The following TAFA1 variants were observed in gnomAD, a reference collection of about 807,000 sequenced individuals.
The protein encoded by TAFA1 is TAFA chemokine like family member 1, also known as chemokine-like protein TAFA-1.
Under a neutral mutation model 18.5 loss-of-function variants are expected in TAFA1, and 4 were observed. That is an observed-to-expected ratio of 0.22 (90% CI 0.11 to 0.49). TAFA1 has a LOEUF of 0.49. Among genes scored for constraint, TAFA1 ranks in the 20% least tolerant of loss-of-function variants. The pLI is 0.98. For synonymous variants in TAFA1, 56 were observed against 55.2 expected (o/e 1.01, Z -0.06); for missense variants, 147 against 169.0 (o/e 0.87, Z 0.72).
At chr3:68,057,638 G>A (rs1377131618) in intron 2 of TAFA1, among the ~76,000 whole-genome samples, 2 of 152,222 alleles carry the variant, frequency 1.3e-5, no homozygotes, top group Non-Finnish European at 2.9e-5. Context: ...ACCTTACACA[G>A]CAAAAGGGAC....
At chr3:68,379,766 A>T (rs547220537) in intron 2 of TAFA1, among the ~76,000 whole-genome samples, 251 of 140,356 alleles carry the variant, frequency 1.8e-3, no homozygotes, top group African/African-American at 4.4e-3. Flanking sequence ...TTTTTTTTTT[A>T]AATTTTATTA....
intron 3 of TAFA1, among the ~76,000 whole-genome samples, chr3:68,493,307 G>A (rs777798904): frequency 7.2e-5 from 11 of 152,082 alleles, no homozygotes; most frequent in South Asian, 4.2e-4. Flanking sequence ...TCTATGTTGC[G>A]GCATGGGTTG....
chr3:68,195,424 C>T (rs1368166847), intron 2 of TAFA1, among the ~76,000 whole-genome samples: 2 of 149,262 alleles, frequency 1.3e-5, no homozygotes, highest in Admixed American at 1.3e-4. Context: ...ATGATCATGT[C>T]TTATCTGAAA....
rs115775681 is a variant in TAFA1 at position 68,218,066 on chromosome 3, C to T, written c.119-199214C>T. Among the ~76,000 whole-genome samples the T allele has an allele frequency of 7.2e-3, 1,099 of 152,152 alleles. 14 individuals are homozygous for T. The highest frequency in any genetic ancestry group is 0.025 in the African/African-American group (1,045 of 41,552). ...GATCTTTATGACAAATGGATCTTTA[C>T]ACAATATGTTTCCTGGAGATTTAAT... On this transcript the variant is annotated intron_variant, in intron 2 of 4. Coordinates refer to ENST00000478136, the MANE Select transcript of TAFA1 (RefSeq NM_213609.4).
intron 2 of TAFA1, among the ~76,000 whole-genome samples, chr3:68,408,483 A>C (rs1480785803): frequency 6.6e-6 from 1 of 152,208 alleles, no homozygotes; most frequent in Admixed American, 6.5e-5. Flanking sequence ...CATCTTTGTG[A>C]ACATATCCAC....
At chr3:68,037,220 A>C (rs1705071112) in intron 2 of TAFA1, among the ~76,000 whole-genome samples, 1 of 152,180 alleles carries the variant, frequency 6.6e-6, no homozygotes, top group Admixed American at 6.5e-5. Flanking sequence ...AATGGGCATG[A>C]ATGAGCACAG....
At chr3:68,106,003 A>G (rs2065198885) in intron 2 of TAFA1, among the ~76,000 whole-genome samples, 1 of 152,238 alleles carries the variant, frequency 6.6e-6, no homozygotes, top group Non-Finnish European at 1.5e-5. Flanking sequence ...ACAATTTTCA[A>G]TATCTAATAT....
intron 2 of TAFA1, among the ~76,000 whole-genome samples, chr3:68,140,792 A>G (rs1291387004): frequency 1.3e-5 from 2 of 152,214 alleles, no homozygotes; most frequent in Admixed American, 6.5e-5. Context: ...AAATGGTCTC[A>G]TGGGAGTTGA....
chr3:68,379,723 G>C (rs2069894480), intron 2 of TAFA1, among the ~76,000 whole-genome samples: 2 of 117,576 alleles, frequency 1.7e-5, no homozygotes, highest in Admixed American at 1.9e-4. Context: ...ATTTTAAGTT[G>C]ATTTTTTTTT....
At chr3:68,024,168 C>T (rs1415349543) in intron 2 of TAFA1, among the ~76,000 whole-genome samples, 1 of 151,940 alleles carries the variant, frequency 6.6e-6, no homozygotes, top group Non-Finnish European at 1.5e-5. Context: ...TTTTTACTTC[C>T]AGAACTGTAT....
At chr3:68,434,178 C>G (rs2106845687) in intron 3 of TAFA1, among the ~76,000 whole-genome samples, 1 of 152,168 alleles carries the variant, frequency 6.6e-6, no homozygotes, top group South Asian at 2.1e-4. Context: ...CGTCTGAAAT[C>G]AATAAACTTA....
intron 2 of TAFA1, among the ~76,000 whole-genome samples, chr3:68,315,968 A>G (rs2068599028): frequency 6.6e-6 from 1 of 152,226 alleles, no homozygotes; most frequent in Admixed American, 6.5e-5. Flanking sequence ...AATATGAATG[A>G]AGAAAGAAGA....
intron 3 of TAFA1, among the ~76,000 whole-genome samples, chr3:68,527,745 A>G (rs1009475361): frequency 1.3e-5 from 2 of 152,124 alleles, no homozygotes; most frequent in Non-Finnish European, 2.9e-5. Flanking sequence ...TTTTATGTCC[A>G]GCACTGCAGT....
At chr3:68,460,370 C>T (rs2071751978) in intron 3 of TAFA1, among the ~76,000 whole-genome samples, 1 of 152,118 alleles carries the variant, frequency 6.6e-6, no homozygotes, top group Non-Finnish European at 1.5e-5. Context: ...TTTTCTTCAG[C>T]ATCCACTACC....
intron 2 of TAFA1, among the ~76,000 whole-genome samples, chr3:68,253,551 T>C (rs984943610): frequency 2.2e-4 from 34 of 152,186 alleles, no homozygotes; most frequent in Non-Finnish European, 1.8e-4. Flanking sequence ...ACCCTTTGCA[T>C]TGCTGTTTAA....
chr3:68,496,631 C>T (rs1030621707), intron 3 of TAFA1, among the ~76,000 whole-genome samples: 1 of 152,080 alleles, frequency 6.6e-6, no homozygotes, highest in Non-Finnish European at 1.5e-5. Flanking sequence ...TGTTTTGAGC[C>T]ACCTAATTTT....
chr3:68,192,827 G>A (rs1172786752), intron 2 of TAFA1, among the ~76,000 whole-genome samples: 2 of 151,780 alleles, frequency 1.3e-5, no homozygotes, highest in Non-Finnish European at 2.9e-5. Context: ...GGCTTGGAGG[G>A]TGTGATGGAT....
At chr3:68,246,065 G>A (rs1432633869) in intron 2 of TAFA1, among the ~76,000 whole-genome samples, 1 of 152,102 alleles carries the variant, frequency 6.6e-6, no homozygotes, top group Non-Finnish European at 1.5e-5. Context: ...ACGATGTCCG[G>A]TACCATCCTC....
intron 2 of TAFA1, among the ~76,000 whole-genome samples, chr3:68,135,652 G>A (rs768304004): frequency 1.5e-4 from 23 of 152,328 alleles, no homozygotes; most frequent in Non-Finnish European, 2.9e-4. Flanking sequence ...AGATGCTTAA[G>A]AAATATCAGC....
Sources: allele counts gnomAD v4.1 joint callset (sites outside exome capture counted in the v4.1 genomes callset), GRCh38; gene constraint gnomAD v4.1.1; transcripts MANE v1.5; gene names NCBI Gene and HGNC (gene_info 2026-07-23, HGNC 2026-07-21).